Variants in HTR3B observed in about 807,000 individuals in gnomAD.
HTR3B encodes 5-hydroxytryptamine (serotonin) receptor 3B, ionotropic.
HTR3B carries 44 observed loss-of-function variants against 42.8 expected under a neutral mutation model. That is an observed-to-expected ratio of 1.03 (90% confidence interval 0.81 to 1.32). The LOEUF (loss-of-function observed/expected upper bound fraction) is 1.32, where lower values mean the gene tolerates loss of function less well. Among genes scored for constraint, HTR3B ranks in the 40% most tolerant of loss-of-function variants. HTR3B has a pLI of 0.00. For missense variants in HTR3B, 527 were observed against 536.5 expected, an observed-to-expected ratio of 0.98 and a Z score of 0.17; for synonymous variants, 203 against 209.0, an observed-to-expected ratio of 0.97 and a Z score of 0.25.
At position 113,944,624 on chromosome 11, in the gene HTR3B, C is replaced by T. The variant is rs1366929014; in HGVS notation, c.959C>T (p.Ser320Phe). The stretch of plus-strand genomic sequence containing the variant: ...TTCTTGGTTCTCAGCTTAGCTAAGT[C>T]CATCGTGTTGGTCAAATTCCTCCAT... ...MAFLVLSLAK[S>F]IVLVKFLHDE... Residue 320 changes from serine (S) to phenylalanine (F), a missense_variant, in exon 8 of 9, where the codon TCC (serine) becomes TTC (phenylalanine). By Grantham distance (155) the Ser-to-Phe change is radical (BLOSUM62 -2). Coordinates refer to ENST00000260191, the MANE Select transcript of HTR3B (RefSeq NM_006028.5). 4 of 1,614,172 alleles carry T rather than the reference C, an allele frequency of 2.5e-6. No homozygotes were observed. Among genetic ancestry groups the T allele is most frequent in the Middle Eastern group, 1.6e-4 (1 of 6,062 alleles).
At chr11:113,941,190 A>G (rs1950132207) in intron 6 of HTR3B, among the ~76,000 whole-genome samples, 1 of 152,200 alleles carries the variant, frequency 6.6e-6, no homozygotes, top group South Asian at 2.1e-4. Flanking sequence ...TTCAAATGTC[A>G]TTTTTGTCCA....
intron 7 of HTR3B, 63 bp from the exon 8 acceptor site, chr11:113,944,507 AAAC>A: frequency 6.5e-7 from 1 of 1,543,280 alleles, no homozygotes; most frequent in Non-Finnish European, 8.9e-7. Flanking sequence ...TCCCTAAAGA[AAAC>A]AAAAAAATCT....
intron 2 of HTR3B, among the ~76,000 whole-genome samples, chr11:113,918,520 G>A (rs190612650): frequency 1.3e-5 from 2 of 152,002 alleles, no homozygotes; most frequent in Non-Finnish European, 2.9e-5. Context: ...CTACCTTTGA[G>A]ATTGGCTTTT....
intron 6 of HTR3B, among the ~76,000 whole-genome samples, chr11:113,935,517 T>G (rs1950084500): frequency 7.4e-6 from 1 of 135,396 alleles, no homozygotes; most frequent in East Asian, 2.3e-4. Flanking sequence ...TTAGAAAGAC[T>G]AAAAGTGGAT....
rs1468223698 is a variant in HTR3B at position 113,904,815 on chromosome 11, T to C, written c.-119T>C. ...CAAAATAGCACCAGTAAGGATAGCATCAACTGGCAAACGGAGAAGGAGGAG... is the reference window on the plus strand; with the variant it reads ...CAAAATAGCACCAGTAAGGATAGCACCAACTGGCAAACGGAGAAGGAGGAG... On this transcript the variant is annotated 5_prime_UTR_variant, in exon 1 of 9. Coordinates refer to ENST00000260191, the MANE Select transcript of HTR3B (RefSeq NM_006028.5). 5.1e-6 allele frequency: 4 copies of C among 780,326 alleles called. No homozygotes were observed. The highest frequency in any genetic ancestry group is 9.1e-6 in the Non-Finnish European group (4 of 439,886). 48.3% of individuals were successfully genotyped at this position (780,326 alleles called of 1,614,324 possible). A position where few individuals can be genotyped will look rare whatever the true frequency, so the allele number is the denominator to read the frequency against.
At chr11:113,906,005 AT>A (rs1233234365) in intron 1 of HTR3B, among the ~76,000 whole-genome samples, 2 of 152,266 alleles carry the variant, frequency 1.3e-5, no homozygotes, top group African/African-American at 2.4e-5. Flanking sequence ...TTAGTAGAAA[AT>A]AATCGTGAAC....
intron 6 of HTR3B, among the ~76,000 whole-genome samples, chr11:113,934,190 T>C (rs755736024): frequency 6.6e-6 from 1 of 152,118 alleles, no homozygotes; most frequent in Non-Finnish European, 1.5e-5. Flanking sequence ...AGTTCGAGAC[T>C]AGTCTGGCCA....
Position 113,943,035 on chromosome 11 carries a change from C to T in HTR3B, c.750C>T (p.Ser250=). The stretch of plus-strand genomic sequence containing the variant: ...ATGTCGTGAGTCTGCTGATTCCTAG[C>T]ATCTTTCTCATGCTGGTGGACCTGG... ...LVYVVSLLIP[S]IFLMLVDLGS... Residue 250 remains serine (S), a synonymous_variant, in exon 7 of 9, where the codon AGC becomes AGT. Transcript: ENST00000260191. 6.2e-7 allele frequency: 1 copy of T among 1,614,094 alleles called. No homozygotes were observed. Among genetic ancestry groups the T allele is most frequent in the Non-Finnish European group, 8.5e-7 (1 of 1,180,036 alleles).
chr11:113,911,271 C>T (rs1379640518), intron 2 of HTR3B, among the ~76,000 whole-genome samples: 1 of 152,152 alleles, frequency 6.6e-6, no homozygotes, highest in Non-Finnish European at 1.5e-5. Flanking sequence ...GGCTCTGTCA[C>T]CCAGGCTGGA....
chr11:113,937,033 C>A (rs2059149117), intron 6 of HTR3B, among the ~76,000 whole-genome samples: 1 of 152,204 alleles, frequency 6.6e-6, no homozygotes, highest in Non-Finnish European at 1.5e-5. Context: ...ATATTGCTAA[C>A]ACCTGAAGGG....
intron 6 of HTR3B, among the ~76,000 whole-genome samples, chr11:113,934,695 A>G (rs1380782547): frequency 6.6e-6 from 1 of 151,938 alleles, no homozygotes; most frequent in Non-Finnish European, 1.5e-5. Flanking sequence ...GTTTTAAGCA[A>G]AGCTTGCATT....
At chr11:113,918,805 C>T (rs767820067) in intron 2 of HTR3B, among the ~76,000 whole-genome samples, 3 of 151,952 alleles carry the variant, frequency 2.0e-5, no homozygotes, top group South Asian at 2.1e-4. Context: ...TACAGGCATG[C>T]GCCACCACAC....
chr11:113,911,138 C>T (rs1194449608), intron 2 of HTR3B, among the ~76,000 whole-genome samples: 4 of 151,490 alleles, frequency 2.6e-5, no homozygotes, highest in Non-Finnish European at 5.9e-5. Flanking sequence ...AAATTGTTTT[C>T]TAATTGAGGT....
At chr11:113,927,866 C>T (rs1414032152) in intron 2 of HTR3B, among the ~76,000 whole-genome samples, 1 of 152,082 alleles carries the variant, frequency 6.6e-6, no homozygotes. Context: ...GCCCTGTTTT[C>T]TCTTTTTTGT....
intron 6 of HTR3B, among the ~76,000 whole-genome samples, chr11:113,941,189 C>A (rs1345396494): frequency 6.6e-6 from 1 of 152,196 alleles, no homozygotes; most frequent in Non-Finnish European, 1.5e-5. Context: ...TTTCAAATGT[C>A]ATTTTTGTCC....
chr11:113,916,484 A>C (rs561142423), intron 2 of HTR3B, among the ~76,000 whole-genome samples: 2 of 152,348 alleles, frequency 1.3e-5, no homozygotes, highest in South Asian at 4.1e-4. Flanking sequence ...GATAATGTGA[A>C]TCTTCTAATC....
chr11:113,931,455 A>T lies in HTR3B; in HGVS notation c.258+27A>T, dbSNP rs542101847. Reference sequence around the variant, plus strand: ...TAAATAATTATGTTTTCTTCTAAATATATTGCACTCCTGATCTGGATCTGC... The same window carrying T: ...TAAATAATTATGTTTTCTTCTAAATTTATTGCACTCCTGATCTGGATCTGC... On this transcript the variant is annotated intron_variant, in intron 3 of 8. Coordinates refer to ENST00000260191, the MANE Select transcript of HTR3B (RefSeq NM_006028.5). The T allele has an allele frequency of 3.6e-6, 5 of 1,383,422 alleles. No homozygotes were observed. The African/African-American group carries it at 4.3e-5, about 12-fold the overall frequency. The allele number at this position is 1,383,422 out of a possible 1,614,324, so 85.7% of individuals were successfully genotyped here. A position where few individuals can be genotyped will look rare whatever the true frequency, so the allele number is the denominator to read the frequency against.
chr11:113,948,532 A>T lies in HTR3B; in HGVS notation c.*2395A>T, dbSNP rs1045357574. Among the ~76,000 whole-genome samples the T allele has an allele frequency of 6.6e-6, 1 of 152,236 alleles. No homozygotes were observed. The highest frequency in any genetic ancestry group is 1.9e-4 in the East Asian group (1 of 5,200). On this transcript the variant is annotated 3_prime_UTR_variant, in exon 9 of 9. Transcript: ENST00000260191. ...TTTGCTCTACCCCTATCAAAGAGTT[A>T]TGAGGATCAAAATGAAAAAATGTAT... is the stretch of plus-strand genomic sequence containing the variant.
intron 2 of HTR3B, among the ~76,000 whole-genome samples, chr11:113,910,463 C>T (rs759110155): frequency 5.2e-4 from 76 of 144,762 alleles, no homozygotes; most frequent in Non-Finnish European, 4.3e-4. Flanking sequence ...TTTTTTGAGA[C>T]GGAGTCTCTC....
Sources: gnomAD v4.1 joint callset for allele counts (sites outside exome capture counted in the v4.1 genomes callset) on GRCh38, gnomAD v4.1.1 for gene constraint, MANE v1.5 for transcripts, NCBI Gene and HGNC (gene_info 2026-07-23, HGNC 2026-07-21) for gene names.